CCDC85A: variants seen among roughly 807,000 people sequenced by gnomAD.
CCDC85A encodes the protein coiled-coil domain-containing protein 85A.
In CCDC85A, 38 loss-of-function variants were observed where a neutral mutation model predicts 50.2. The observed-to-expected ratio is 0.76, with a 90% CI of 0.58 to 0.99. The LOEUF (loss-of-function observed/expected upper bound fraction) is 0.99. Among genes scored for constraint, CCDC85A ranks in the 50% least tolerant of loss-of-function variants. The pLI, the probability that CCDC85A is intolerant of heterozygous loss-of-function variation, is 0.00. For synonymous variants in CCDC85A, 366 were observed against 301.4 expected (o/e 1.21, Z -2.22); for missense variants, 820 against 742.0 (o/e 1.11, Z -1.22).
chr2:56,324,634 AG>A (rs1418018729), intron 2 of CCDC85A, among the ~76,000 whole-genome samples: 2 of 152,132 alleles, frequency 1.3e-5, no homozygotes, highest in African/African-American at 4.8e-5. Flanking sequence ...TGTGTTCTAA[AG>A]GGGAATGTTT....
chr2:56,296,794 T>C (rs1671969528), intron 2 of CCDC85A, among the ~76,000 whole-genome samples: 1 of 152,168 alleles, frequency 6.6e-6, no homozygotes, highest in East Asian at 1.9e-4. Flanking sequence ...TTAAACAATT[T>C]ACATAGCAAA....
intron 2 of CCDC85A, among the ~76,000 whole-genome samples, chr2:56,261,703 T>C (rs1186253937): frequency 6.6e-6 from 1 of 152,206 alleles, no homozygotes; most frequent in Non-Finnish European, 1.5e-5. Context: ...GAAGAAACAA[T>C]GCTAGTGACT....
intron 2 of CCDC85A, among the ~76,000 whole-genome samples, chr2:56,216,544 C>G (rs143412222): frequency 6.6e-6 from 1 of 151,476 alleles, no homozygotes; most frequent in Non-Finnish European, 1.5e-5. Context: ...TCTAAAATAC[C>G]GATTATCTAT....
intron 2 of CCDC85A, among the ~76,000 whole-genome samples, chr2:56,330,326 G>A (rs1211962354): frequency 4.6e-5 from 7 of 152,144 alleles, no homozygotes; most frequent in African/African-American, 1.7e-4. Context: ...AAAGGGAAGA[G>A]TAAAAGTGAA....
At chr2:56,225,632 C>T (rs1177698155) in intron 2 of CCDC85A, among the ~76,000 whole-genome samples, 4 of 152,062 alleles carry the variant, frequency 2.6e-5, no homozygotes, top group Admixed American at 2.0e-4. Context: ...TTTTGAATTT[C>T]CATATGTCTT....
At chr2:56,353,040 T>TA (rs1328743422) in intron 3 of CCDC85A, among the ~76,000 whole-genome samples, 2 of 152,230 alleles carry the variant, frequency 1.3e-5, no homozygotes, top group Non-Finnish European at 2.9e-5. Flanking sequence ...TCAGATTCCT[T>TA]AAAACCACAA....
intron 2 of CCDC85A, among the ~76,000 whole-genome samples, chr2:56,204,031 T>G (rs1558582602): frequency 6.6e-6 from 1 of 152,160 alleles, no homozygotes; most frequent in East Asian, 1.9e-4. Context: ...CAAAATAATT[T>G]ATCCATCAAG....
intron 2 of CCDC85A, among the ~76,000 whole-genome samples, chr2:56,242,209 C>G (rs1341968983): frequency 6.6e-6 from 1 of 151,978 alleles, no homozygotes; most frequent in Non-Finnish European, 1.5e-5. Flanking sequence ...TGTTTGAGCT[C>G]CTTATATAGT....
intron 5 of CCDC85A, among the ~76,000 whole-genome samples, chr2:56,380,080 G>C (rs1676513825): frequency 6.6e-6 from 1 of 152,138 alleles, no homozygotes; most frequent in African/African-American, 2.4e-5. Flanking sequence ...TATTCCAGAA[G>C]ACTCTACAAA....
chr2:56,234,585 C>T (rs1483307604), intron 2 of CCDC85A, among the ~76,000 whole-genome samples: 1 of 152,174 alleles, frequency 6.6e-6, no homozygotes, highest in Non-Finnish European at 1.5e-5. Flanking sequence ...TGCAACTCCT[C>T]AGTCTTTTTC....
At chr2:56,190,846 A>C (rs1335620929) in intron 1 of CCDC85A, among the ~76,000 whole-genome samples, 1 of 152,054 alleles carries the variant, frequency 6.6e-6, no homozygotes, top group African/African-American at 2.4e-5. Context: ...CCCCTACCCC[A>C]GTCAGTCTGT....
At position 56,192,923 on chromosome 2, in the gene CCDC85A, G is replaced by A. The variant is rs764835800; in HGVS notation, c.723G>A (p.Arg241=). Residue 241 remains arginine, a synonymous_variant, in exon 2 of 6, where the codon CGG becomes CGA. Transcript: ENST00000407595. The surrounding 1 kb of genome is among the most constrained non-coding windows in gnomAD (Gnocchi z 4.7). Reference sequence around the variant, plus strand: ...GCCCGGAGCACCTGCAGAAGCCCCGGAGCGAGGGCAGCCCGGAGCACTCCA... The same window carrying A: ...GCCCGGAGCACCTGCAGAAGCCCCGAAGCGAGGGCAGCCCGGAGCACTCCA... ...SGSPEHLQKP[R]SEGSPEHSKH... 1.2e-6 allele frequency: 2 copies of A among 1,611,844 alleles called. No homozygotes were observed. The highest frequency in any genetic ancestry group is 1.7e-6 in the Non-Finnish European group (2 of 1,179,294).
At chr2:56,269,334 G>GGTGTGTGT (rs70955014) in intron 2 of CCDC85A, among the ~76,000 whole-genome samples, 6,259 of 149,250 alleles carry the variant, frequency 0.042, 185 homozygotes, top group Admixed American at 0.12. Context: ...CCTTGGCAAG[G>GGTGTGTGT]GTGTGTGTGT....
intron 2 of CCDC85A, among the ~76,000 whole-genome samples, chr2:56,216,042 A>G (rs549071121): frequency 6.6e-6 from 1 of 152,074 alleles, no homozygotes; most frequent in Non-Finnish European, 1.5e-5. Flanking sequence ...TATTTGCAAC[A>G]GAGATCACAG....
intron 2 of CCDC85A, among the ~76,000 whole-genome samples, chr2:56,243,632 C>G (rs983529691): frequency 1.3e-5 from 2 of 152,206 alleles, no homozygotes; most frequent in African/African-American, 4.8e-5. Context: ...CCAGGCTTGG[C>G]CCCTGGTTCC....
chr2:56,223,467 A>G (rs533981005), intron 2 of CCDC85A, among the ~76,000 whole-genome samples: 51 of 152,168 alleles, frequency 3.4e-4, no homozygotes, highest in Non-Finnish European at 5.7e-4. Context: ...CTATTGCTCT[A>G]CAAAATGGAG....
At chr2:56,326,459 A>C (rs1673476641) in intron 2 of CCDC85A, among the ~76,000 whole-genome samples, 1 of 152,170 alleles carries the variant, frequency 6.6e-6, no homozygotes, top group African/African-American at 2.4e-5. Context: ...AAAAAATGAT[A>C]GAATCCTTGT....
Position 56,383,855 on chromosome 2 carries a change from C to T in CCDC85A, c.1573-411C>T, listed in dbSNP as rs550243561. On this transcript the variant is annotated intron_variant, in intron 5 of 5. Coordinates refer to ENST00000407595, the MANE Select transcript of CCDC85A (RefSeq NM_001080433.2). ...GCCAAGGTGTTCTTAATTCTGGCTA[C>T]ACATTAGAATTACTTTTAGAGCTTT... The T allele has an allele frequency of 5.3e-5, 34 of 636,688 alleles. No homozygotes were observed. The South Asian group carries it at 2.1e-3, about 39-fold the overall frequency. The allele number at this position is 636,688 out of a possible 1,614,324, so 39.4% of individuals were successfully genotyped here.
chr2:56,283,063 G>T lies in CCDC85A; in HGVS notation c.1241-59816G>T, dbSNP rs188561347. ...TAGTAGATATTTAGTAAAATATTTA[G>T]GATTTTTATGTAAACAATCATGTAT... is the stretch of plus-strand genomic sequence containing the variant. On this transcript the variant is annotated intron_variant, in intron 2 of 5. Coordinates refer to ENST00000407595, the MANE Select transcript of CCDC85A (RefSeq NM_001080433.2). Among the ~76,000 whole-genome samples, 12 of 151,996 alleles carry T rather than the reference G, an allele frequency of 7.9e-5. No homozygotes were observed. In the East Asian group the frequency reaches 2.3e-3, roughly 29 times the overall value.
Sources: gnomAD v4.1 joint callset for allele counts (sites outside exome capture counted in the v4.1 genomes callset) on GRCh38, gnomAD v4.1.1 for gene constraint, Gnocchi (gnomAD v3.1) non-coding constraint, MANE v1.5 for transcripts, NCBI Gene and HGNC (gene_info 2026-07-23, HGNC 2026-07-21) for gene names.